Variants in NLGN4X observed in about 807,000 individuals in gnomAD.
NLGN4X encodes the protein neuroligin-4, X-linked.
NLGN4X carries 3 observed loss-of-function variants against 40.3 expected under a neutral mutation model. The ratio of observed to expected loss-of-function variants is 0.07; its 90% CI spans 0.03 to 0.19. The LOEUF (loss-of-function observed/expected upper bound fraction) is 0.19, where lower values mean the gene tolerates loss of function less well. Among genes scored for constraint, NLGN4X ranks in the 10% least tolerant of loss-of-function variants. The pLI is 1.00. For missense variants in NLGN4X, 382 were observed against 708.3 expected, an observed-to-expected ratio of 0.54 and a Z score of 5.23; for synonymous variants, 270 against 306.8, an observed-to-expected ratio of 0.88 and a Z score of 1.25.
intron 2 of NLGN4X, among the ~76,000 whole-genome samples, chrX:6,107,580 G>A (rs1307930920): frequency 9.0e-6 from 1 of 111,568 alleles, no homozygotes; most frequent in African/African-American, 3.3e-5. Flanking sequence ...ATTCAGGGGT[G>A]CATGTGCAGG....
chrX:6,140,457 G>GACACACACAC (rs34281533), intron 2 of NLGN4X, among the ~76,000 whole-genome samples: 4 of 96,032 alleles, frequency 4.2e-5, no homozygotes, highest in African/African-American at 1.5e-4. Flanking sequence ...TTCACACACA[G>GACACACACAC]ACACACACAC....
chrX:6,045,229 A>T (rs1044484195), intron 2 of NLGN4X, among the ~76,000 whole-genome samples: 4 of 112,280 alleles, frequency 3.6e-5, no homozygotes, highest in Non-Finnish European at 7.5e-5. Flanking sequence ...GATAATTTAC[A>T]AGAGAATAAC....
intron 1 of NLGN4X, among the ~76,000 whole-genome samples, chrX:6,170,268 TA>T (rs1471575426): frequency 1.8e-4 from 20 of 111,768 alleles, no homozygotes; most frequent in African/African-American, 6.5e-4. Context: ...TAGAGATTTT[TA>T]AATTCAAGTA....
At chrX:6,093,881 T>C (rs2147459610) in intron 2 of NLGN4X, among the ~76,000 whole-genome samples, 1 of 111,867 alleles carries the variant, frequency 8.9e-6, no homozygotes, top group African/African-American at 3.2e-5. Context: ...GCCACATACG[T>C]TCTTTAAAAA....
At chrX:6,103,824 G>A (rs868626273) in intron 2 of NLGN4X, among the ~76,000 whole-genome samples, 3 of 112,209 alleles carry the variant, frequency 2.7e-5, no homozygotes, top group Middle Eastern at 4.6e-3. Flanking sequence ...TCACTAGTTC[G>A]ATGTTGAAAG....
intron 1 of NLGN4X, among the ~76,000 whole-genome samples, chrX:6,204,665 G>A (rs181662002): frequency 9.0e-5 from 10 of 111,092 alleles, no homozygotes; most frequent in Admixed American, 3.8e-4. Context: ...GACCAGTAAC[G>A]GCAACTTCAA....
At chrX:5,966,091 C>T (rs1218725830) in intron 3 of NLGN4X, among the ~76,000 whole-genome samples, 1 of 111,974 alleles carries the variant, frequency 8.9e-6, no homozygotes, top group Non-Finnish European at 1.9e-5. Flanking sequence ...TCAACTTCTC[C>T]ATAGAAACAG....
At chrX:5,971,217 G>T (rs1297605647) in intron 3 of NLGN4X, among the ~76,000 whole-genome samples, 1 of 111,248 alleles carries the variant, frequency 9.0e-6, no homozygotes, top group Non-Finnish European at 1.9e-5. Context: ...TAAGCATGTT[G>T]AACAATGACA....
intron 2 of NLGN4X, among the ~76,000 whole-genome samples, chrX:6,118,108 C>T (rs186951533): frequency 5.4e-5 from 6 of 110,522 alleles, no homozygotes; most frequent in Non-Finnish European, 1.1e-4. Flanking sequence ...CACATGCACG[C>T]TGCTTCTTTC....
intron 3 of NLGN4X, among the ~76,000 whole-genome samples, chrX:5,946,454 A>G (rs1216501434): frequency 6.3e-5 from 7 of 111,739 alleles, no homozygotes; most frequent in Non-Finnish European, 1.1e-4. Flanking sequence ...AGGAAAAATA[A>G]GAGAATATGG....
chrX:6,139,986 A>G (rs1054488764), intron 2 of NLGN4X, among the ~76,000 whole-genome samples: 2 of 111,911 alleles, frequency 1.8e-5, no homozygotes, highest in African/African-American at 3.2e-5. Context: ...GCTAAAGTCC[A>G]TATGTGACAG....
At chrX:5,996,528 A>C (rs775877007) in intron 3 of NLGN4X, among the ~76,000 whole-genome samples, 1 of 110,697 alleles carries the variant, frequency 9.0e-6, no homozygotes, top group African/African-American at 3.3e-5. Flanking sequence ...TTTCCCATTT[A>C]CCGGTGCAGT....
At chrX:6,000,339 T>C (rs868813678) in intron 3 of NLGN4X, among the ~76,000 whole-genome samples, 17 of 112,449 alleles carry the variant, frequency 1.5e-4, no homozygotes, top group South Asian at 1.1e-3. Context: ...TGGAGATTAA[T>C]GGGCTAGACT....
chrX:6,079,037 T>C (rs183526668), intron 2 of NLGN4X, among the ~76,000 whole-genome samples: 126 of 111,918 alleles, frequency 1.1e-3, no homozygotes, highest in African/African-American at 3.8e-3. Flanking sequence ...TTTCACCTTT[T>C]GCCATGATTG....
chrX:6,083,654 GA>G (rs2038425685), intron 2 of NLGN4X, among the ~76,000 whole-genome samples: 1 of 112,283 alleles, frequency 8.9e-6, no homozygotes, highest in East Asian at 2.8e-4. Context: ...CTGCAGGGCA[GA>G]AATGAGAAGT....
chrX:5,985,954 C>G (rs952978301), intron 3 of NLGN4X, among the ~76,000 whole-genome samples: 2 of 112,156 alleles, frequency 1.8e-5, no homozygotes, highest in Admixed American at 1.9e-4. Flanking sequence ...AAATTCTAGA[C>G]TGTATCCACT....
chrX:6,029,611 C>T (rs187935791), intron 2 of NLGN4X, among the ~76,000 whole-genome samples, 179 bp from the exon 3 acceptor site: 40 of 111,759 alleles, frequency 3.6e-4, no homozygotes, highest in African/African-American at 1.3e-3. Flanking sequence ...AATGCTATTA[C>T]GTTTTCTATT....
chrX:6,209,336 A>C (rs1381009344), intron 1 of NLGN4X, among the ~76,000 whole-genome samples: 1 of 111,959 alleles, frequency 8.9e-6, no homozygotes, highest in Non-Finnish European at 1.9e-5. Context: ...ATCACTATGC[A>C]ATATATCCAT....
At chrX:6,116,290 C>CAAAAAAAAAAAAAAAAAAA (rs758019203) in intron 2 of NLGN4X, among the ~76,000 whole-genome samples, 1 of 16,165 alleles carries the variant, frequency 6.2e-5, no homozygotes, top group African/African-American at 2.4e-4. Flanking sequence ...GAGACTCTGT[C>CAAAAAAAAAAAAAAAAAAA]AAAAAAAAAA....
Sources: allele counts gnomAD v4.1 joint callset (sites outside exome capture counted in the v4.1 genomes callset), GRCh38; gene constraint gnomAD v4.1.1; transcripts MANE v1.5; gene names NCBI Gene and HGNC (gene_info 2026-07-23, HGNC 2026-07-21).